The following FMNL2 variants were observed in gnomAD, a reference collection of about 807,000 sequenced individuals.
FMNL2 encodes the protein formin like 2, also known as formin-like protein 2.
FMNL2 carries 51 observed loss-of-function variants against 130.2 expected under a neutral mutation model. The observed-to-expected ratio is 0.39, with a 90% CI of 0.31 to 0.49. FMNL2 has a LOEUF of 0.49. Among genes scored for constraint, FMNL2 ranks in the 20% least tolerant of loss-of-function variants. The pLI, the probability that FMNL2 is intolerant of heterozygous loss-of-function variation, is 0.85. For missense variants in FMNL2, 977 were observed against 1,316.2 expected (o/e 0.74, Z 3.99); for synonymous variants, 465 against 467.1 (o/e 1.00, Z 0.06).
chr2:152,601,327 G>A (rs1389204890), intron 9 of FMNL2, among the ~76,000 whole-genome samples: 1 of 137,302 alleles, frequency 7.3e-6, no homozygotes, highest in Non-Finnish European at 1.5e-5. Context: ...TTGAGATGGA[G>A]TCTCGCTCTG....
chr2:152,412,858 A>T (rs988606305), intron 1 of FMNL2, among the ~76,000 whole-genome samples: 1 of 152,060 alleles, frequency 6.6e-6, no homozygotes, highest in Non-Finnish European at 1.5e-5. Context: ...TTTCTTAACC[A>T]AGTAGTCAAG....
chr2:152,625,321 C>G lies in FMNL2; in HGVS notation c.1838-117C>G, dbSNP rs1246451614. The G allele has an allele frequency of 2.3e-6, 3 of 1,285,658 alleles. No homozygotes were observed. In the Admixed American group the frequency reaches 7.8e-5, roughly 33 times the overall value. 79.6% of individuals were successfully genotyped at this position (1,285,658 alleles called of 1,614,324 possible). A position where few individuals can be genotyped will look rare whatever the true frequency, so the allele number is the denominator to read the frequency against. On this transcript the variant is annotated intron_variant, in intron 15 of 25. Transcript: ENST00000288670. ...CAGCTTTAAAAACCTACTTGCGCGC[C>G]TCTTGCCAACCTTCCTCCAGTGTCA...
intron 1 of FMNL2, among the ~76,000 whole-genome samples, chr2:152,351,128 C>A (rs1006522806): frequency 6.6e-6 from 1 of 152,268 alleles, no homozygotes; most frequent in African/African-American, 2.4e-5. Flanking sequence ...CCAAAAATAC[C>A]TGAAGTTGCC....
At chr2:152,394,002 AG>A in intron 1 of FMNL2, among the ~76,000 whole-genome samples, 2 of 152,344 alleles carry the variant, frequency 1.3e-5, no homozygotes, top group Admixed American at 1.3e-4. Context: ...GTAGAAGAAC[AG>A]GCGGTGGGCT....
intron 21 of FMNL2, among the ~76,000 whole-genome samples, chr2:152,633,127 G>C (rs1269452239): frequency 4.0e-5 from 6 of 148,174 alleles, no homozygotes; most frequent in Admixed American, 1.4e-4. Context: ...ACAGGGTCTT[G>C]CTCTGTGGCC....
chr2:152,634,923 CTTCT>C (rs1559028375), intron 21 of FMNL2, among the ~76,000 whole-genome samples: 1 of 150,432 alleles, frequency 6.6e-6, no homozygotes, highest in Non-Finnish European at 1.5e-5. Flanking sequence ...GTGACCATGA[CTTCT>C]TTTTTTTTTG....
chr2:152,434,182 C>T (rs996648263), intron 1 of FMNL2, among the ~76,000 whole-genome samples: 3 of 152,214 alleles, frequency 2.0e-5, no homozygotes, highest in Non-Finnish European at 4.4e-5. Flanking sequence ...ACAAAATACA[C>T]TCTGACCTAG....
chr2:152,400,766 C>T (rs1001961013), intron 1 of FMNL2, among the ~76,000 whole-genome samples: 1 of 152,226 alleles, frequency 6.6e-6, no homozygotes, highest in African/African-American at 2.4e-5. Flanking sequence ...CTATAGGCCA[C>T]TGAGTAGCAC....
At chr2:152,548,855 A>G (rs1453218455) in intron 3 of FMNL2, among the ~76,000 whole-genome samples, 166 bp from the exon 4 acceptor site, 2 of 152,198 alleles carry the variant, frequency 1.3e-5, no homozygotes, top group Non-Finnish European at 2.9e-5. Context: ...CTCAGTAGTT[A>G]ATTTTCATGG....
At chr2:152,541,313 C>T (rs371668556) in intron 2 of FMNL2, among the ~76,000 whole-genome samples, 1 of 152,138 alleles carries the variant, frequency 6.6e-6, no homozygotes, top group East Asian at 1.9e-4. Flanking sequence ...TGTGCCACCA[C>T]ACCCAGCTAA....
rs749321079 is a variant in FMNL2 at position 152,632,135 on chromosome 2, C to T, written c.2678C>T (p.Ala893Val). Residue 893 changes from alanine to valine, a missense_variant and splice_region_variant, in exon 21 of 26, where the codon GCA becomes GTA. Physicochemically the swap from Ala to Val is moderately conservative, Grantham distance 64. Around this residue, in one of 4 missense-constraint regions of FMNL2, gnomAD observed 689 missense variants for 995.9 expected, o/e 0.69. Transcript: ENST00000288670. The stretch of plus-strand genomic sequence containing the variant: ...CTTCATTATGTGGAAAAAGCTGCTG[C>T]AGGTACTTGATTTCAGCTATTACCG... The part of the protein sequence containing the change: ...NELHYVEKAA[A>V]VSLENVLLDV... The T allele has an allele frequency of 6.2e-7, 1 of 1,609,252 alleles. No individual in the cohort carries two copies. The highest frequency in any genetic ancestry group is 1.3e-5 in the African/African-American group (1 of 74,762).
chr2:152,379,527 T>C (rs1052426319), intron 1 of FMNL2, among the ~76,000 whole-genome samples: 1 of 152,238 alleles, frequency 6.6e-6, no homozygotes, highest in Non-Finnish European at 1.5e-5. Context: ...CCATTATTTC[T>C]TCATCCTTCA....
In FMNL2 at chr2:152,589,973, A is replaced by ATGTATG. The variant is rs1203697238; in HGVS notation, c.876+8925_876+8926insGTATGT. Among the ~76,000 whole-genome samples, 100 of 39,428 alleles carry ATGTATG rather than the reference A, an allele frequency of 2.5e-3. 3 individuals are homozygous for ATGTATG. Among genetic ancestry groups the ATGTATG allele is most frequent in the Middle Eastern group, 0.019 (1 of 54 alleles). 25.9% of individuals were successfully genotyped at this position (39,428 alleles called of 152,430 possible). ...TATATATATATATATATATATATAT[A>ATGTATG]TATATATATATGTATATGTATATGT... is the stretch of plus-strand genomic sequence containing the variant. On this transcript the variant is annotated intron_variant, in intron 9 of 25. Transcript: ENST00000288670.
chr2:152,443,291 C>T (rs770023612), intron 1 of FMNL2, among the ~76,000 whole-genome samples: 3 of 152,038 alleles, frequency 2.0e-5, no homozygotes, highest in Admixed American at 1.3e-4. Flanking sequence ...GCAAGTCTGT[C>T]GGTGCACTAG....
intron 1 of FMNL2, 83 bp downstream of exon 1, chr2:152,335,803 C>T (rs1681376882): frequency 4.8e-6 from 5 of 1,040,802 alleles, no homozygotes; most frequent in Non-Finnish European, 6.6e-6. Context: ...TCCCCTTCAC[C>T]CCGTGCCGGG....
intron 6 of FMNL2, among the ~76,000 whole-genome samples, chr2:152,572,442 T>C (rs962762218): frequency 1.3e-5 from 2 of 152,144 alleles, no homozygotes; most frequent in African/African-American, 4.8e-5. Flanking sequence ...AAGTGGCTAA[T>C]ATCTTGTAAA....
intron 1 of FMNL2, among the ~76,000 whole-genome samples, chr2:152,429,000 C>T (rs1285355965): frequency 6.6e-6 from 1 of 151,988 alleles, no homozygotes; most frequent in Non-Finnish European, 1.5e-5. Flanking sequence ...GAGCAACACA[C>T]ACTGGGGCCT....
intron 9 of FMNL2, among the ~76,000 whole-genome samples, chr2:152,591,304 C>T (rs986204540): frequency 9.2e-5 from 14 of 152,076 alleles, no homozygotes; most frequent in African/African-American, 2.6e-4. Context: ...CCACTGCGCC[C>T]GGCCTCCCTC....
At chr2:152,589,021 G>A (rs1020932895) in intron 9 of FMNL2, among the ~76,000 whole-genome samples, 1 of 151,008 alleles carries the variant, frequency 6.6e-6, no homozygotes, top group Admixed American at 6.6e-5. Flanking sequence ...TTTCTCCACC[G>A]AGAGTCATCT....
Sources: gnomAD v4.1 joint callset for allele counts (sites outside exome capture counted in the v4.1 genomes callset) on GRCh38, gnomAD v4.1.1 for gene constraint, gnomAD v4.1.1 regional missense constraint, MANE v1.5 for transcripts, NCBI Gene and HGNC (gene_info 2026-07-23, HGNC 2026-07-21) for gene names.